Variants in GRM7 observed in about 807,000 individuals in gnomAD.
GRM7 encodes metabotropic glutamate receptor 7.
GRM7 carries 35 observed loss-of-function variants against 84.5 expected under a neutral mutation model. The observed-to-expected ratio is 0.41, with a 90% CI of 0.32 to 0.55. The LOEUF is 0.55. Ranked by LOEUF, GRM7 falls within the 20% of genes least tolerant of loss-of-function variation. The pLI, the probability that GRM7 is intolerant of heterozygous loss-of-function variation, is 0.19. For missense variants in GRM7, 1,003 were observed against 1,194.6 expected (o/e 0.84, Z 2.36); for synonymous variants, 487 against 455.1 (o/e 1.07, Z -0.89).
intron 2 of GRM7, 173 bp from the exon 3 acceptor site, chr3:7,298,511 A>G (rs1699888936): frequency 3.4e-6 from 2 of 585,480 alleles, no homozygotes; most frequent in Admixed American, 6.1e-5. Context: ...TGCATTAGGT[A>G]TGAACAACAT....
intron 8 of GRM7, among the ~76,000 whole-genome samples, chr3:7,609,445 G>A (rs1014038006): frequency 1.3e-5 from 2 of 152,118 alleles, no homozygotes; most frequent in Admixed American, 6.5e-5. Context: ...TTGCTGGAAC[G>A]ATATTCTTGA....
At chr3:7,485,932 TAGCTGACAGAAGCTGTAACTTAA>T (rs1181009527) in intron 7 of GRM7, among the ~76,000 whole-genome samples, 1 of 152,182 alleles carries the variant, frequency 6.6e-6, no homozygotes, top group African/African-American at 2.4e-5. Flanking sequence ...AATTAAAAAG[TAGCTGACAGAAGCTGTAACTTAA>T]GGTGCCTTTA....
intron 1 of GRM7, among the ~76,000 whole-genome samples, chr3:7,033,619 A>G (rs1333209436): frequency 1.3e-5 from 2 of 152,152 alleles, no homozygotes; most frequent in Non-Finnish European, 2.9e-5. Flanking sequence ...TAAAGCTGCA[A>G]ATGTCCTTTT....
chr3:6,939,452 T>G (rs1697812577), intron 1 of GRM7, among the ~76,000 whole-genome samples: 1 of 152,116 alleles, frequency 6.6e-6, no homozygotes, highest in Non-Finnish European at 1.5e-5. Flanking sequence ...AAAAAACAGT[T>G]ATTCACATTG....
At chr3:7,460,149 G>A (rs920411010) in intron 6 of GRM7, among the ~76,000 whole-genome samples, 3 of 128,270 alleles carry the variant, frequency 2.3e-5, no homozygotes, top group African/African-American at 9.1e-5. Context: ...CCTTGAGGAA[G>A]CAGCCATGAT....
chr3:7,131,686 C>G (rs892327023), intron 1 of GRM7, among the ~76,000 whole-genome samples: 1 of 151,932 alleles, frequency 6.6e-6, no homozygotes, highest in African/African-American at 2.4e-5. Flanking sequence ...ACCATGTTGG[C>G]CAGGATGGAC....
intron 4 of GRM7, among the ~76,000 whole-genome samples, chr3:7,389,135 C>T (rs1157338154): frequency 6.6e-6 from 1 of 152,064 alleles, no homozygotes; most frequent in East Asian, 1.9e-4. Flanking sequence ...CTTGTTTACC[C>T]ATAAGTCATT....
intron 4 of GRM7, among the ~76,000 whole-genome samples, chr3:7,332,921 C>A (rs1426911190): frequency 1.3e-5 from 2 of 152,074 alleles, no homozygotes; most frequent in Non-Finnish European, 2.9e-5. Flanking sequence ...TTTGGGAGCT[C>A]TATGGCTCCT....
chr3:7,074,839 G>A (rs1251453523), intron 1 of GRM7, among the ~76,000 whole-genome samples: 1 of 152,152 alleles, frequency 6.6e-6, no homozygotes. Flanking sequence ...AAGTTTAAAT[G>A]CAGGGACATA....
chr3:7,570,817 A>G (rs1363438067), intron 7 of GRM7, among the ~76,000 whole-genome samples: 1 of 152,192 alleles, frequency 6.6e-6, no homozygotes, highest in Non-Finnish European at 1.5e-5. Flanking sequence ...GATGTTCTCC[A>G]TGAGAGCCCT....
At position 6,861,835 on chromosome 3, in the gene GRM7, A is replaced by G. The variant is rs1694765177; in HGVS notation, c.447A>G (p.Lys149=). The G allele has an allele frequency of 1.2e-6, 2 of 1,614,140 alleles. No individual in the cohort carries two copies. Among genetic ancestry groups the G allele is most frequent in the African/African-American group, 2.7e-5 (2 of 75,068 alleles). The change falls in exon 1 of 10, where the codon AAA becomes AAG. Residue 149 remains lysine (K), a synonymous_variant. Transcript: ENST00000357716. The surrounding 1 kb of genome is among the most constrained non-coding windows in gnomAD (Gnocchi z 6.4). ...CGCCGGTTTTCGTCAAGCCGGAGAAAGTAGTTGGAGTGATTGGGGCTTCGG... is the reference window on the plus strand; with the variant it reads ...CGCCGGTTTTCGTCAAGCCGGAGAAGGTAGTTGGAGTGATTGGGGCTTCGG... The part of the protein sequence containing the change: ...GEPPVFVKPE[K]VVGVIGASGS...
At chr3:7,669,768 T>C (rs1699847192) in intron 8 of GRM7, among the ~76,000 whole-genome samples, 2 of 152,166 alleles carry the variant, frequency 1.3e-5, no homozygotes, top group South Asian at 4.1e-4. Context: ...ATCAAAGTCA[T>C]AAACTGCTCA....
At chr3:6,900,124 T>A (rs549935408) in intron 1 of GRM7, among the ~76,000 whole-genome samples, 1 of 152,210 alleles carries the variant, frequency 6.6e-6, no homozygotes, top group African/African-American at 2.4e-5. Flanking sequence ...AAGGGGAATA[T>A]GTTTAGAGAT....
intron 8 of GRM7, among the ~76,000 whole-genome samples, chr3:7,580,859 G>T (rs1695215127): frequency 1.3e-5 from 2 of 151,746 alleles, no homozygotes; most frequent in Middle Eastern, 3.4e-3. Flanking sequence ...AGTAAAATAT[G>T]AGTTAGAGTG....
intron 1 of GRM7, among the ~76,000 whole-genome samples, chr3:6,965,790 C>G (rs760514667): frequency 6.6e-6 from 1 of 152,146 alleles, no homozygotes; most frequent in Non-Finnish European, 1.5e-5. Context: ...TCAATGCTCT[C>G]TGGGGAGTAA....
chr3:7,269,532 A>G (rs1167508114), intron 2 of GRM7, among the ~76,000 whole-genome samples: 42 of 152,158 alleles, frequency 2.8e-4, no homozygotes, highest in Admixed American at 2.7e-3. Flanking sequence ...TCTAATATGC[A>G]GCCAAGGGTG....
At chr3:7,213,040 T>C (rs1696482074) in intron 2 of GRM7, among the ~76,000 whole-genome samples, 1 of 152,186 alleles carries the variant, frequency 6.6e-6, no homozygotes. Flanking sequence ...TTTCAGATTT[T>C]TACCATCCTG....
intron 2 of GRM7, among the ~76,000 whole-genome samples, chr3:7,171,344 TCTTATGTTAA>T (rs964388187): frequency 6.6e-6 from 1 of 152,156 alleles, no homozygotes; most frequent in African/African-American, 2.4e-5. Context: ...AGCCTAATAA[TCTTATGTTAA>T]CTTAATTCTG....
At chr3:7,618,341 A>G (rs1697205698) in intron 8 of GRM7, among the ~76,000 whole-genome samples, 1 of 152,102 alleles carries the variant, frequency 6.6e-6, no homozygotes, top group Admixed American at 6.6e-5. Context: ...TGGAATTTGC[A>G]TGGTATTCAG....
Sources: allele counts gnomAD v4.1 joint callset (sites outside exome capture counted in the v4.1 genomes callset), GRCh38; gene constraint gnomAD v4.1.1; non-coding constraint Gnocchi (gnomAD v3.1); transcripts MANE v1.5; gene names NCBI Gene and HGNC (gene_info 2026-07-23, HGNC 2026-07-21).